EIF5B: variants seen among roughly 807,000 people sequenced by gnomAD.
EIF5B encodes eIF-5B.
Under a neutral mutation model 147.5 loss-of-function variants are expected in EIF5B, and 47 were observed. The observed-to-expected ratio is 0.32, with a 90% confidence interval of 0.25 to 0.41. EIF5B has a LOEUF of 0.41. Among genes scored for constraint, EIF5B ranks in the 10% least tolerant of loss-of-function variants. The probability of loss-of-function intolerance (pLI) is 1.00; values close to 1 mark genes in which losing one functional copy is unlikely to be tolerated. For synonymous variants in EIF5B, 455 were observed against 456.2 expected, an observed-to-expected ratio of 1.00 and a Z score of 0.03; for missense variants, 1,064 against 1,413.2, an observed-to-expected ratio of 0.75 and a Z score of 3.96.
At position 99,355,907 on chromosome 2, in the gene EIF5B, C is replaced by A. The variant is rs182566743; in HGVS notation, c.36-4329C>A. ...GGATTACAGGCGTGAGGCACTGCACCCGGCCTCCCTGCTCAGTTTTTAAAA... is the reference window on the plus strand; with the variant it reads ...GGATTACAGGCGTGAGGCACTGCACACGGCCTCCCTGCTCAGTTTTTAAAA... On this transcript the variant is annotated intron_variant, in intron 1 of 23. Transcript: ENST00000289371. Among the ~76,000 whole-genome samples the A allele has an allele frequency of 2.3e-3, 347 of 152,080 alleles. 4 individuals are homozygous for A. The highest frequency in any genetic ancestry group is 8.1e-3 in the African/African-American group (338 of 41,504).
intron 1 of EIF5B, among the ~76,000 whole-genome samples, chr2:99,359,084 C>G (rs12623540): frequency 6.6e-6 from 1 of 151,646 alleles, no homozygotes. Context: ...TTACTGAGAC[C>G]GGGAGCAGTG....
At chr2:99,351,559 G>T (rs943356565) in intron 1 of EIF5B, among the ~76,000 whole-genome samples, 1 of 152,190 alleles carries the variant, frequency 6.6e-6, no homozygotes, top group African/African-American at 2.4e-5. Context: ...CAAAGTGACT[G>T]TGCCATTTTT....
chr2:99,348,115 T>C (rs962584883), intron 1 of EIF5B, among the ~76,000 whole-genome samples: 3 of 152,206 alleles, frequency 2.0e-5, no homozygotes, highest in Non-Finnish European at 4.4e-5. Context: ...TTTGTATTCT[T>C]ATCAAATTAA....
At chr2:99,359,745 T>C (rs950777386) in intron 1 of EIF5B, among the ~76,000 whole-genome samples, 2 of 152,208 alleles carry the variant, frequency 1.3e-5, no homozygotes, top group Non-Finnish European at 2.9e-5. Context: ...TTGTGCATTT[T>C]AGTTTTCCCA....
chr2:99,353,005 C>CTTCTTT (rs1674009425), intron 1 of EIF5B, among the ~76,000 whole-genome samples: 4 of 62,856 alleles, frequency 6.4e-5, no homozygotes, highest in South Asian at 1.7e-3. Flanking sequence ...TCTTCTTCTT[C>CTTCTTT]TTTTTTTTTT....
intron 6 of EIF5B, among the ~76,000 whole-genome samples, chr2:99,368,046 C>T (rs973215810): frequency 1.3e-5 from 2 of 152,120 alleles, no homozygotes; most frequent in African/African-American, 2.4e-5. Context: ...TGAAAGTAAA[C>T]GAAGTATTGA....
At chr2:99,396,685 A>C in intron 21 of EIF5B, 75 bp from the exon 22 acceptor site, 2 of 1,504,196 alleles carry the variant, frequency 1.3e-6, no homozygotes, top group African/African-American at 1.4e-5. Context: ...GAGAAGCCTG[A>C]TGTTCAGCTG....
intron 1 of EIF5B, chr2:99,338,176 T>G: frequency 1.9e-6 from 1 of 537,854 alleles, no homozygotes; most frequent in Non-Finnish European, 3.1e-6. Context: ...CCGGCCTGTT[T>G]TTTTTTGTCG....
chr2:99,394,963 A>G (rs1043205546), intron 21 of EIF5B, 80 bp downstream of exon 21: 2 of 1,320,156 alleles, frequency 1.5e-6, no homozygotes, highest in African/African-American at 1.5e-5. Context: ...AAGGGCTGTA[A>G]ACAGCAAAAT....
chr2:99,360,628 T>G (rs1385877615), intron 3 of EIF5B, 79 bp downstream of exon 3: 15 of 1,400,296 alleles, frequency 1.1e-5, no homozygotes, highest in Non-Finnish European at 1.5e-5. Context: ...GGAGCTACAT[T>G]TGGAAACTTT....
rs1675258681 is a variant in EIF5B at position 99,400,687 on chromosome 2, A to AAAAT, written c.*1275_*1278dup. The AAAAT allele has an allele frequency of 6.6e-6, 1 of 152,196 alleles. No individual in the cohort carries two copies. Among genetic ancestry groups the AAAAT allele is most frequent in the Non-Finnish European group, 1.5e-5 (1 of 68,048 alleles). 9.4% of individuals were successfully genotyped at this position (152,196 alleles called of 1,614,324 possible). On this transcript the variant is annotated 3_prime_UTR_variant, in exon 24 of 24. Coordinates refer to ENST00000289371, the MANE Select transcript of EIF5B (RefSeq NM_015904.4). ...GTGGGTGTGAGGGTGTTTCTAATTC[A>AAAAT]AAATATGTAGATTTCTCCGCATGGA... is the stretch of plus-strand genomic sequence containing the variant.
At chr2:99,390,106 T>C (rs1196055677) in intron 15 of EIF5B, 113 bp from the exon 16 acceptor site, 2 of 1,252,224 alleles carry the variant, frequency 1.6e-6, no homozygotes, top group African/African-American at 1.5e-5. Flanking sequence ...TTTTAGTGTT[T>C]ATGAGGAGTT....
Position 99,379,407 on chromosome 2 carries a change from A to G in EIF5B, c.2040A>G (p.Glu680=). 6.2e-7 allele frequency: 1 copy of G among 1,611,804 alleles called. No homozygotes were observed. The highest frequency in any genetic ancestry group is 8.5e-7 in the Non-Finnish European group (1 of 1,178,904). The part of the protein sequence containing the change: ...ATNVPLEAIN[E]QTKMIKNFDR... The stretch of plus-strand genomic sequence containing the variant: ...ATGTTCCTCTTGAAGCTATTAATGA[A>G]CAGACTAAGATGATTAAAAATGTAA... Residue 680 remains glutamate, a synonymous_variant, in exon 12 of 24, where the codon GAA becomes GAG. Transcript: ENST00000289371.
chr2:99,356,900 G>A (rs531774412), intron 1 of EIF5B, among the ~76,000 whole-genome samples: 1 of 152,164 alleles, frequency 6.6e-6, no homozygotes, highest in Non-Finnish European at 1.5e-5. Flanking sequence ...TACTCCCCCT[G>A]CCCCTAATTT....
At chr2:99,345,421 C>G (rs371892325) in intron 1 of EIF5B, among the ~76,000 whole-genome samples, 2 of 152,026 alleles carry the variant, frequency 1.3e-5, no homozygotes, top group Middle Eastern at 6.8e-3. Flanking sequence ...AGCAAAACCC[C>G]GTCTCTACTA....
chr2:99,339,627 TC>T (rs2094254619), intron 1 of EIF5B, among the ~76,000 whole-genome samples: 2 of 152,122 alleles, frequency 1.3e-5, no homozygotes, highest in Admixed American at 1.3e-4. Context: ...TCCTCCCACC[TC>T]AGCCTCCCTA....
chr2:99,338,732 A>C (rs1431025851), intron 1 of EIF5B, among the ~76,000 whole-genome samples: 1 of 152,022 alleles, frequency 6.6e-6, no homozygotes, highest in Non-Finnish European at 1.5e-5. Flanking sequence ...TGGGTGATGT[A>C]GGGGAACACA....
chr2:99,380,419 GTTA>G (rs1417802082), intron 12 of EIF5B, among the ~76,000 whole-genome samples: 2 of 152,156 alleles, frequency 1.3e-5, no homozygotes, highest in African/African-American at 4.8e-5. Context: ...GTCCATTTCA[GTTA>G]TTATTGTGCT....
intron 1 of EIF5B, among the ~76,000 whole-genome samples, chr2:99,355,909 G>A (rs1056052486): frequency 2.6e-5 from 4 of 152,038 alleles, no homozygotes; most frequent in African/African-American, 9.7e-5. Context: ...CACTGCACCC[G>A]GCCTCCCTGC....
Sources: gnomAD v4.1 joint callset for allele counts (sites outside exome capture counted in the v4.1 genomes callset) on GRCh38, gnomAD v4.1.1 for gene constraint, MANE v1.5 for transcripts, NCBI Gene and HGNC (gene_info 2026-07-23, HGNC 2026-07-21) for gene names.